Variants in CNP observed in about 807,000 individuals in gnomAD.
The protein encoded by CNP is 2',3'-cyclic nucleotide 3' phosphodiesterase.
In CNP, 8 loss-of-function variants were observed where a neutral mutation model predicts 37.9. The observed-to-expected ratio is 0.21, with a 90% CI of 0.12 to 0.38. The LOEUF (loss-of-function observed/expected upper bound fraction) is 0.38. CNP is among the 10% of genes least tolerant of loss of function. The probability of loss-of-function intolerance (pLI) is 1.00; values close to 1 mark genes in which losing one functional copy is unlikely to be tolerated. For synonymous variants in CNP, 237 were observed against 238.3 expected (o/e 0.99, Z 0.05); for missense variants, 457 against 551.0 (o/e 0.83, Z 1.71).
rs781840726 is a variant in CNP at position 41,968,404 on chromosome 17, C to G, written c.340C>G (p.Arg114Gly). Residue 114 changes from arginine to glycine, a missense_variant, in exon 2 of 4, where the codon CGG (arginine) becomes GGG (glycine). By Grantham distance (125) the Arg-to-Gly change is moderately radical. Coordinates refer to ENST00000393892, the MANE Select transcript of CNP (RefSeq NM_033133.5). This position sits in a 1 kb window ranked among gnomAD's most constrained non-coding sequence, Gnocchi z 4.8. ...DEDLAAYCRR[R>G]DIRILVLDDT... is the part of the protein sequence containing the mutation. The stretch of plus-strand genomic sequence containing the variant: ...GGACCTGGCTGCCTACTGCCGCCGC[C>G]GGGACATCAGAATTCTTGTGCTTGA... 1.2e-5 allele frequency: 19 copies of G among 1,613,978 alleles called. No individual in the cohort carries two copies. Among genetic ancestry groups the G allele is most frequent in the Non-Finnish European group, 1.5e-5 (18 of 1,180,020 alleles).
intron 1 of CNP, chr17:41,967,720 A>G: frequency 9.4e-7 from 1 of 1,063,662 alleles, no homozygotes. Flanking sequence ...TGGCCCAGAC[A>G]CAGAGACCCC....
intron 1 of CNP, chr17:41,967,229 T>G: frequency 7.9e-5 from 18 of 226,966 alleles, no homozygotes; most frequent in East Asian, 1.6e-4. Flanking sequence ...CGGCGCCCCC[T>G]CCCCGGGCCC....
chr17:41,974,056 A>C lies in CNP; in HGVS notation c.*132A>C, dbSNP rs1156506294. On this transcript the variant is annotated 3_prime_UTR_variant, in exon 4 of 4. Transcript: ENST00000393892. The stretch of plus-strand genomic sequence containing the variant: ...AGTTAACCTACCTGTAACTTTTTAA[A>C]AACTTGTAAAATAACTGACCCTCCC... 5 of 781,718 alleles carry C rather than the reference A, an allele frequency of 6.4e-6. No homozygotes were observed. The highest frequency in any genetic ancestry group is 9.1e-6 in the Non-Finnish European group (5 of 548,868). The allele number at this position is 781,718 out of a possible 1,614,324, so 48.4% of individuals were successfully genotyped here.
Position 41,971,963 on chromosome 17 carries a change from C to A in CNP, c.748C>A (p.Leu250Met). 6 of 1,613,808 alleles carry A rather than the reference C, an allele frequency of 3.7e-6. No homozygotes were observed. The highest frequency in any genetic ancestry group is 1.6e-4 in the Middle Eastern group (1 of 6,062). ...CTTTGGAAAGAGACCCCCAGGCGTG[C>A]TGCATTGCACAACCAAGTTTTGTGA... is the stretch of plus-strand genomic sequence containing the variant. Reference protein sequence around the residue: ...TYFGKRPPGVLHCTTKFCDYG... With the variant: ...TYFGKRPPGVMHCTTKFCDYG... The change falls in exon 3 of 4, where the codon CTG becomes ATG. Residue 250 changes from leucine to methionine, a missense_variant. Physicochemically the swap from Leu to Met is conservative, Grantham distance 15 (BLOSUM62 2). Transcript: ENST00000393892.
In CNP at chr17:41,974,152, G is replaced by A; in HGVS notation, c.*228G>A. 1 of 374,794 alleles carries A rather than the reference G, an allele frequency of 2.7e-6. No individual in the cohort carries two copies. Among genetic ancestry groups the A allele is most frequent in the Non-Finnish European group, 4.7e-6 (1 of 214,312 alleles). The allele number at this position is 374,794 out of a possible 1,614,324, so 23.2% of individuals were successfully genotyped here. On this transcript the variant is annotated 3_prime_UTR_variant, in exon 4 of 4. Transcript: ENST00000393892. The stretch of plus-strand genomic sequence containing the variant: ...AGGTGGGCAGGGAGGCACCATTCAG[G>A]AACCTGGACCAAAGCTGACGAGGCT...
chr17:41,970,398 CT>C (rs782287191), intron 2 of CNP: 1,931 of 115,234 alleles, frequency 0.017, 33 homozygotes, highest in African/African-American at 0.049. Context: ...ATTGCCAGAT[CT>C]TTTTTTTTTT....
At chr17:41,971,271 C>G (rs1212398060) in intron 2 of CNP, 3 of 152,410 alleles carry the variant, frequency 2.0e-5, no homozygotes, top group Non-Finnish European at 4.4e-5. Flanking sequence ...CTTGCTTCCC[C>G]TTTGAGACGT....
rs782540990 is a variant in CNP at position 41,973,788 on chromosome 17, A to G, written c.1130A>G (p.Asn377Ser). ...CGGGGCAAGCTCTATTCCTTGGGCA[A>G]TGGGCGCTGGATGCTGACCCTGGCC... ...LSRGKLYSLG[N>S]GRWMLTLAKN... The change falls in exon 4 of 4, where the codon AAT (asparagine) becomes AGT (serine). Residue 377 changes from asparagine (N) to serine (S), a missense_variant. By Grantham distance (46) the Asn-to-Ser change is conservative (BLOSUM62 1). Around this residue, in one of 2 missense-constraint regions of CNP, gnomAD observed 291 missense variants for 291.7 expected, o/e 1.00. Coordinates refer to ENST00000393892, the MANE Select transcript of CNP (RefSeq NM_033133.5). 17 of 1,612,732 alleles carry G rather than the reference A, an allele frequency of 1.1e-5. No individual in the cohort carries two copies. The highest frequency in any genetic ancestry group is 5.3e-5 in the African/African-American group (4 of 74,922).
Position 41,968,020 on chromosome 17 carries a change from G to A in CNP, c.4-48G>A. ...TAGGGACTAGGGGTAAGGCCGGCGGGGAGCCCGCGAATGACCTGGGCTGAC... is the reference window on the plus strand; with the variant it reads ...TAGGGACTAGGGGTAAGGCCGGCGGAGAGCCCGCGAATGACCTGGGCTGAC... On this transcript the variant is annotated intron_variant, in intron 1 of 3. Transcript: ENST00000393892. This position sits in a 1 kb window ranked among gnomAD's most constrained non-coding sequence, Gnocchi z 4.8. The A allele has an allele frequency of 6.4e-7, 1 of 1,570,828 alleles. No homozygotes were observed. Among genetic ancestry groups the A allele is most frequent in the Non-Finnish European group, 8.7e-7 (1 of 1,155,740 alleles).
Position 41,974,173 on chromosome 17 carries a change from A to AG in CNP, c.*251dup, listed in dbSNP as rs1306362638. On this transcript the variant is annotated 3_prime_UTR_variant, in exon 4 of 4. Coordinates refer to ENST00000393892, the MANE Select transcript of CNP (RefSeq NM_033133.5). Reference sequence around the variant, plus strand: ...TCAGGAACCTGGACCAAAGCTGACGAGGCTGGGCCAAGCCAGGGATGGGGC... The same window carrying AG: ...TCAGGAACCTGGACCAAAGCTGACGAGGGCTGGGCCAAGCCAGGGATGGGGC... The AG allele has an allele frequency of 6.3e-6, 2 of 317,126 alleles. No individual in the cohort carries two copies. Among genetic ancestry groups the AG allele is most frequent in the Non-Finnish European group, 1.1e-5 (2 of 175,060 alleles). 19.6% of individuals were successfully genotyped at this position (317,126 alleles called of 1,614,324 possible). A position where few individuals can be genotyped will look rare whatever the true frequency, so the allele number is the denominator to read the frequency against.
Position 41,973,783 on chromosome 17 carries a change from G to A in CNP, c.1125G>A (p.Leu375=). The A allele has an allele frequency of 6.2e-7, 1 of 1,612,760 alleles. No individual in the cohort carries two copies. The highest frequency in any genetic ancestry group is 8.5e-7 in the Non-Finnish European group (1 of 1,179,416). The change falls in exon 4 of 4, where the codon TTG becomes TTA. Residue 375 remains leucine (L), a synonymous_variant. Transcript: ENST00000393892. ...TAAGCCGGGGCAAGCTCTATTCCTTGGGCAATGGGCGCTGGATGCTGACCC... is the reference window on the plus strand; with the variant it reads ...TAAGCCGGGGCAAGCTCTATTCCTTAGGCAATGGGCGCTGGATGCTGACCC... The part of the protein sequence containing the change: ...GELSRGKLYS[L]GNGRWMLTLA...
chr17:41,971,730 G>A, intron 2 of CNP, 162 bp from the exon 3 acceptor site: 1 of 864,472 alleles, frequency 1.2e-6, no homozygotes. Context: ...CTCTAAAGTT[G>A]CCATTAGTTT....
At position 41,968,517 on chromosome 17, in the gene CNP, G is replaced by T; in HGVS notation, c.453G>T (p.Lys151Asn). Reference sequence around the variant, plus strand: ...ACCAGGTGGTGCTGGTGGAGCCCAAGACGGCGTGGCGGCTGGACTGTGCCC... The same window carrying T: ...ACCAGGTGGTGCTGGTGGAGCCCAATACGGCGTGGCGGCTGGACTGTGCCC... Reference protein sequence around the residue: ...YQYQVVLVEPKTAWRLDCAQL... With the variant: ...YQYQVVLVEPNTAWRLDCAQL... The change falls in exon 2 of 4, where the codon AAG becomes AAT. Residue 151 changes from lysine (K) to asparagine (N), a missense_variant. Transcript: ENST00000393892. This position sits in a 1 kb window ranked among gnomAD's most constrained non-coding sequence, Gnocchi z 4.8. The T allele has an allele frequency of 6.2e-7, 1 of 1,614,184 alleles. No homozygotes were observed. The highest frequency in any genetic ancestry group is 8.5e-7 in the Non-Finnish European group (1 of 1,180,040).
intron 1 of CNP, chr17:41,967,217 T>G: frequency 4.0e-6 from 1 of 253,140 alleles, no homozygotes; most frequent in Non-Finnish European, 7.5e-6. Flanking sequence ...GGGCAGCCGC[T>G]TCGGCGCCCC....
chr17:41,971,809 G>C, intron 2 of CNP, 83 bp from the exon 3 acceptor site: 3 of 1,571,030 alleles, frequency 1.9e-6, no homozygotes, highest in Non-Finnish European at 2.6e-6. Flanking sequence ...CGAGTGTTTT[G>C]CGCTGGGCCT....
At chr17:41,970,264 T>C (rs2050965939) in intron 2 of CNP, 1 of 151,190 alleles carries the variant, frequency 6.6e-6, no homozygotes, top group South Asian at 2.1e-4. Context: ...GCCCGGCTAA[T>C]TTTTTTTTAT....
chr17:41,968,993 G>A lies in CNP; in HGVS notation c.676+253G>A, dbSNP rs1031074046. Among the ~76,000 whole-genome samples the A allele has an allele frequency of 8.5e-5, 13 of 152,094 alleles. No individual in the cohort carries two copies. Among genetic ancestry groups the A allele is most frequent in the Non-Finnish European group, 1.3e-4 (9 of 68,024 alleles). On this transcript the variant is annotated intron_variant, in intron 2 of 3. Coordinates refer to ENST00000393892, the MANE Select transcript of CNP (RefSeq NM_033133.5). This position sits in a 1 kb window ranked among gnomAD's most constrained non-coding sequence, Gnocchi z 4.8. ...CTATCCTTCTAGCCCTCTTCTCTCC[G>A]ACACCCTTTTCCCAGCCTGAATGTA...
rs1455727397 is a variant in CNP, at chr17:41,976,875, CAGAG to C, written c.*2955_*2958del. ...TCAAGGGCTGCTTCAAACTCAAACA[CAGAG>C]AGAAACTCTATGGGTATCAAACAGC... On this transcript the variant is annotated 3_prime_UTR_variant, in exon 4 of 4. Coordinates refer to ENST00000393892, the MANE Select transcript of CNP (RefSeq NM_033133.5). 9 of 1,393,762 alleles carry C rather than the reference CAGAG, an allele frequency of 6.5e-6. No individual in the cohort carries two copies. Among genetic ancestry groups the C allele is most frequent in the African/African-American group, 1.5e-5 (1 of 68,792 alleles). 86.3% of individuals were successfully genotyped at this position (1,393,762 alleles called of 1,614,324 possible).
At position 41,973,615 on chromosome 17, in the gene CNP, C is replaced by T; in HGVS notation, c.957C>T (p.Pro319=). ...CGAGTGATGTGGACAAGCTGTCACC[C>T]ACTGACAACCTGCCGCGGGGGAGCC... The part of the protein sequence containing the change: ...LWPSDVDKLS[P]TDNLPRGSRA... Residue 319 remains proline, a synonymous_variant, in exon 4 of 4, where the codon CCC becomes CCT. Transcript: ENST00000393892. 1.9e-6 allele frequency: 3 copies of T among 1,614,204 alleles called. No individual in the cohort carries two copies. Among genetic ancestry groups the T allele is most frequent in the Non-Finnish European group, 2.5e-6 (3 of 1,180,048 alleles).
Sources: gnomAD v4.1 joint callset for allele counts (sites outside exome capture counted in the v4.1 genomes callset) on GRCh38, gnomAD v4.1.1 for gene constraint, gnomAD v4.1.1 regional missense constraint, Gnocchi (gnomAD v3.1) non-coding constraint, MANE v1.5 for transcripts, NCBI Gene and HGNC (gene_info 2026-07-23, HGNC 2026-07-21) for gene names.